The following MARCHF1 variants were observed in gnomAD, a reference collection of about 807,000 sequenced individuals.
MARCHF1 encodes E3 ubiquitin-protein ligase MARCHF1.
A neutral mutation model predicts 54.2 loss-of-function variants in MARCHF1; 40 were observed. That is an observed-to-expected ratio of 0.74 (90% CI 0.57 to 0.96). MARCHF1 has a LOEUF of 0.96. MARCHF1 is among the 40% of genes least tolerant of loss of function. MARCHF1 has a pLI of 0.00. For synonymous variants in MARCHF1, 236 were observed against 236.3 expected, an observed-to-expected ratio of 1.00 and a Z score of 0.01; for missense variants, 586 against 656.5, an observed-to-expected ratio of 0.89 and a Z score of 1.17.
At chr4:163,770,259 A>C (rs536049348) in intron 4 of MARCHF1, among the ~76,000 whole-genome samples, 1 of 152,266 alleles carries the variant, frequency 6.6e-6, no homozygotes, top group South Asian at 2.1e-4. Flanking sequence ...CCCAACTTCC[A>C]CATTGTTCAA....
intron 1 of MARCHF1, among the ~76,000 whole-genome samples, chr4:164,216,528 TTTAA>T (rs2111134959): frequency 6.6e-6 from 1 of 152,252 alleles, no homozygotes; most frequent in Non-Finnish European, 1.5e-5. Flanking sequence ...TATGTGAAAA[TTTAA>T]TTAGTTGGAA....
intron 1 of MARCHF1, among the ~76,000 whole-genome samples, chr4:164,169,729 A>G (rs13435288): frequency 0.19 from 28,736 of 151,978 alleles, 4,358 homozygotes; most frequent in African/African-American, 0.41. Flanking sequence ...GTTGAAAATT[A>G]TACAAAATCA....
intron 1 of MARCHF1, among the ~76,000 whole-genome samples, chr4:164,131,263 T>C (rs930925711): frequency 3.9e-5 from 6 of 152,118 alleles, no homozygotes; most frequent in African/African-American, 1.4e-4. Flanking sequence ...TACAGTTTCA[T>C]AAAAGCATTT....
At chr4:164,033,326 A>G (rs2110998515) in intron 2 of MARCHF1, among the ~76,000 whole-genome samples, 1 of 152,342 alleles carries the variant, frequency 6.6e-6, no homozygotes, top group Non-Finnish European at 1.5e-5. Flanking sequence ...AAAACCCTAG[A>G]AGAAAACTGA....
At chr4:163,653,512 T>C (rs938001895) in intron 5 of MARCHF1, among the ~76,000 whole-genome samples, 4 of 151,750 alleles carry the variant, frequency 2.6e-5, no homozygotes, top group African/African-American at 7.3e-5. Flanking sequence ...TTACGGTAAC[T>C]GTAGCATGAG....
chr4:163,776,979 C>T (rs1046345572), intron 4 of MARCHF1, among the ~76,000 whole-genome samples: 3 of 152,054 alleles, frequency 2.0e-5, no homozygotes, highest in African/African-American at 7.2e-5. Flanking sequence ...TTTATTCTAA[C>T]CTGTTTTGCT....
intron 2 of MARCHF1, among the ~76,000 whole-genome samples, chr4:164,102,722 C>T (rs1334751586): frequency 6.6e-6 from 1 of 151,476 alleles, no homozygotes; most frequent in Non-Finnish European, 1.5e-5. Context: ...AGCAAAATAA[C>T]CAGCTAACAT....
At chr4:164,246,411 A>T (rs1343966386) in intron 1 of MARCHF1, among the ~76,000 whole-genome samples, 1,369 of 49,464 alleles carry the variant, frequency 0.028, 283 homozygotes, top group African/African-American at 0.068. Flanking sequence ...TAGAAAGCTG[A>T]AACTGGATCC....
chr4:163,638,460 C>T lies in MARCHF1; in HGVS notation c.163-25067G>A, dbSNP rs370137959. 7.2e-5 allele frequency among the ~76,000 whole-genome samples: 11 copies of T among 152,154 alleles called. No individual in the cohort carries two copies. In the South Asian group the frequency reaches 2.3e-3, roughly 32 times the overall value. On this transcript the variant is annotated intron_variant, in intron 5 of 9. Transcript: ENST00000514618. ...AGCTCTCACCATGTGAGTACTAACG[C>T]CTGCTTTGCCTAATGCTATGATTGA...
intron 2 of MARCHF1, among the ~76,000 whole-genome samples, chr4:163,990,773 C>T (rs1273155659): frequency 6.6e-6 from 1 of 152,098 alleles, no homozygotes; most frequent in Non-Finnish European, 1.5e-5. Flanking sequence ...GTAAATCTAA[C>T]AGTGTGTGAC....
At chr4:163,952,532 C>T (rs1165089293) in intron 3 of MARCHF1, among the ~76,000 whole-genome samples, 2 of 152,060 alleles carry the variant, frequency 1.3e-5, no homozygotes, top group African/African-American at 2.4e-5. Context: ...AGCATGCATA[C>T]CATACAACAA....
intron 2 of MARCHF1, 68 bp from the exon 3 acceptor site, chr4:163,988,777 A>G (rs919040918): frequency 2.0e-5 from 3 of 152,360 alleles, no homozygotes; most frequent in Middle Eastern, 3.4e-3. Flanking sequence ...TCTGGTCAAA[A>G]TGTTAAACAC....
intron 3 of MARCHF1, among the ~76,000 whole-genome samples, chr4:163,979,071 G>A (rs1752706648): frequency 7.5e-6 from 1 of 132,802 alleles, no homozygotes; most frequent in African/African-American, 3.0e-5. Context: ...TGCACATTGT[G>A]CAGCTTAGTT....
intron 4 of MARCHF1, among the ~76,000 whole-genome samples, chr4:163,741,435 T>G (rs540803106): frequency 6.6e-6 from 1 of 151,750 alleles, no homozygotes; most frequent in Non-Finnish European, 1.5e-5. Flanking sequence ...AAATACAAAT[T>G]AGCCGGGCGT....
rs573090197 is a variant in MARCHF1, at chr4:164,143,794, A to C, written c.-322-32132T>G. Among the ~76,000 whole-genome samples, 937 of 152,286 alleles carry C rather than the reference A, an allele frequency of 6.2e-3. 13 individuals are homozygous for C. Among genetic ancestry groups the C allele is most frequent in the African/African-American group, 0.021 (874 of 41,550 alleles). On this transcript the variant is annotated intron_variant, in intron 1 of 9. Coordinates refer to ENST00000514618, the MANE Select transcript of MARCHF1 (RefSeq NM_001394959.1). ...GAGCAAAATAACCAGCTAACATCAT[A>C]ATGACAGGATCAAATTCACACATAA...
intron 8 of MARCHF1, among the ~76,000 whole-genome samples, chr4:163,546,742 C>T (rs1450789161): frequency 6.6e-6 from 1 of 152,172 alleles, no homozygotes; most frequent in African/African-American, 2.4e-5. Flanking sequence ...TAATCACACT[C>T]CTGAGAAAGT....
chr4:164,300,830 C>T (rs553385847), intron 1 of MARCHF1, among the ~76,000 whole-genome samples: 4 of 152,136 alleles, frequency 2.6e-5, no homozygotes, highest in African/African-American at 7.2e-5. Flanking sequence ...GCAACAAGTA[C>T]GTCAATGCAC....
At chr4:164,289,286 A>T (rs75981398) in intron 1 of MARCHF1, among the ~76,000 whole-genome samples, 3,582 of 152,094 alleles carry the variant, frequency 0.024, 95 homozygotes, top group East Asian at 0.13. Context: ...ATTGTGAACC[A>T]CTGTGTGTGG....
chr4:163,785,161 C>T (rs567918804), intron 4 of MARCHF1, among the ~76,000 whole-genome samples: 92 of 152,116 alleles, frequency 6.0e-4, no homozygotes, highest in South Asian at 1.2e-3. Context: ...GTCTGGTGCG[C>T]TAGAAATCAG....
Sources: allele counts gnomAD v4.1 joint callset (sites outside exome capture counted in the v4.1 genomes callset), GRCh38; gene constraint gnomAD v4.1.1; transcripts MANE v1.5; gene names NCBI Gene and HGNC (gene_info 2026-07-23, HGNC 2026-07-21).